Variants in ARHGAP26 observed in about 807,000 individuals in gnomAD.
The protein encoded by ARHGAP26 is rho GTPase-activating protein 26.
In ARHGAP26, 38 loss-of-function variants were observed where a neutral mutation model predicts 104.8. That is an observed-to-expected ratio of 0.36 (90% CI 0.28 to 0.48). The LOEUF (loss-of-function observed/expected upper bound fraction) is 0.48, where lower values mean the gene tolerates loss of function less well. Among genes scored for constraint, ARHGAP26 ranks in the 20% least tolerant of loss-of-function variants. ARHGAP26 has a pLI of 0.99. For missense variants in ARHGAP26, 704 were observed against 947.9 expected (o/e 0.74, Z 3.38); for synonymous variants, 341 against 340.0 (o/e 1.00, Z -0.03).
chr5:142,924,114 G>A (rs1301265793), intron 10 of ARHGAP26, among the ~76,000 whole-genome samples: 1 of 151,920 alleles, frequency 6.6e-6, no homozygotes, highest in Non-Finnish European at 1.5e-5. Context: ...CACCCGCCTC[G>A]GCATCCCAAA....
chr5:142,994,406 A>G (rs1004275066), intron 11 of ARHGAP26, among the ~76,000 whole-genome samples: 1 of 152,242 alleles, frequency 6.6e-6, no homozygotes, highest in East Asian at 1.9e-4. Flanking sequence ...CCAGCTTATC[A>G]GAGGCCTCAT....
intron 11 of ARHGAP26, among the ~76,000 whole-genome samples, chr5:142,942,823 C>T (rs182924280): frequency 6.6e-6 from 1 of 152,286 alleles, no homozygotes; most frequent in East Asian, 1.9e-4. Flanking sequence ...CTCTGTTGCC[C>T]ATGCTGGAGT....
intron 20 of ARHGAP26, among the ~76,000 whole-genome samples, chr5:143,195,551 C>T (rs186759081): frequency 4.9e-4 from 75 of 152,276 alleles, no homozygotes; most frequent in African/African-American, 1.8e-3. Flanking sequence ...GAGACATCCT[C>T]CTTGACGTCC....
chr5:142,820,671 TAC>T (rs1217268078), intron 1 of ARHGAP26, among the ~76,000 whole-genome samples: 1 of 152,186 alleles, frequency 6.6e-6, no homozygotes, highest in Non-Finnish European at 1.5e-5. Context: ...GAGCAGCAGT[TAC>T]ACTCTTCCAT....
At chr5:142,824,013 A>C (rs2152086559) in intron 1 of ARHGAP26, among the ~76,000 whole-genome samples, 1 of 152,324 alleles carries the variant, frequency 6.6e-6, no homozygotes, top group African/African-American at 2.4e-5. Flanking sequence ...GGACGACTTC[A>C]CTTATTTTTG....
intron 21 of ARHGAP26, among the ~76,000 whole-genome samples, chr5:143,213,259 T>C (rs1324094389): frequency 1.3e-5 from 2 of 152,172 alleles, no homozygotes; most frequent in African/African-American, 2.4e-5. Context: ...GTGAGAGTGA[T>C]TGTAAACATT....
At chr5:142,968,886 C>T (rs547850615) in intron 11 of ARHGAP26, among the ~76,000 whole-genome samples, 2 of 152,158 alleles carry the variant, frequency 1.3e-5, no homozygotes, top group Non-Finnish European at 2.9e-5. Flanking sequence ...GTGTTGATTC[C>T]ATTATCTTAT....
At chr5:142,849,844 A>C (rs1429764568) in intron 1 of ARHGAP26, among the ~76,000 whole-genome samples, 3 of 152,094 alleles carry the variant, frequency 2.0e-5, no homozygotes, top group Non-Finnish European at 4.4e-5. Context: ...TTCTGTTAAA[A>C]ATGCTGTTGC....
chr5:142,795,401 G>A (rs1269067855), intron 1 of ARHGAP26, among the ~76,000 whole-genome samples: 1 of 152,162 alleles, frequency 6.6e-6, no homozygotes, highest in African/African-American at 2.4e-5. Flanking sequence ...AGCTCTAATG[G>A]TCTTTGTAAT....
intron 19 of ARHGAP26, among the ~76,000 whole-genome samples, chr5:143,141,183 A>G (rs113665226): frequency 0.013 from 1,982 of 152,342 alleles, 42 homozygotes; most frequent in African/African-American, 0.045. Context: ...AACCACGTTG[A>G]TAATGTGGCT....
chr5:143,011,996 A>G (rs1778821361), intron 11 of ARHGAP26, among the ~76,000 whole-genome samples: 1 of 152,176 alleles, frequency 6.6e-6, no homozygotes, highest in South Asian at 2.1e-4. Context: ...AAAACCTATC[A>G]TCGCCCACAT....
intron 9 of ARHGAP26, among the ~76,000 whole-genome samples, chr5:142,909,215 G>A (rs772620973): frequency 6.6e-6 from 1 of 152,020 alleles, no homozygotes; most frequent in African/African-American, 2.4e-5. Context: ...TGAGTCTCTG[G>A]ACTGTATTCT....
At position 143,147,706 on chromosome 5, in the gene ARHGAP26, G is replaced by T. The variant is rs111579376; in HGVS notation, c.1988+325G>T. ...TCTGTAAGTTTTACAAACGTCCAGG[G>T]ACTGTAGCAGCTCTGTGGCCGAGTT... On this transcript the variant is annotated intron_variant, in intron 20 of 22. Coordinates refer to ENST00000645722, the MANE Select transcript of ARHGAP26 (RefSeq NM_001135608.3). 8.8e-3 allele frequency among the ~76,000 whole-genome samples: 1,339 copies of T among 152,190 alleles called. 16 individuals carry two copies. Among genetic ancestry groups the T allele is most frequent in the African/African-American group, 0.031 (1,274 of 41,516 alleles).
At chr5:143,049,384 A>G (rs989989279) in intron 14 of ARHGAP26, among the ~76,000 whole-genome samples, 4 of 152,092 alleles carry the variant, frequency 2.6e-5, no homozygotes, top group African/African-American at 9.7e-5. Context: ...GGATTTTCCA[A>G]TGTCTTTATT....
At chr5:142,972,446 T>A (rs1223846820) in intron 11 of ARHGAP26, among the ~76,000 whole-genome samples, 1 of 152,046 alleles carries the variant, frequency 6.6e-6, no homozygotes, top group Non-Finnish European at 1.5e-5. Context: ...CTGTTACCTC[T>A]TTGAGGGGCC....
intron 18 of ARHGAP26, among the ~76,000 whole-genome samples, chr5:143,125,116 A>G (rs1228517173): frequency 6.6e-6 from 1 of 152,220 alleles, no homozygotes; most frequent in African/African-American, 2.4e-5. Context: ...TTAAAGAAAA[A>G]GGAAAGAGAA....
At chr5:143,216,422 G>A (rs901026940) in intron 22 of ARHGAP26, 8 of 410,270 alleles carry the variant, frequency 1.9e-5, no homozygotes, top group South Asian at 5.3e-5. Flanking sequence ...GCCCTCCAGG[G>A]CCCAGTTCCT....
chr5:142,816,089 T>C (rs908551963), intron 1 of ARHGAP26, among the ~76,000 whole-genome samples: 8 of 152,120 alleles, frequency 5.3e-5, no homozygotes, highest in African/African-American at 1.7e-4. Context: ...TGAACCATGG[T>C]GTCCAGCCCC....
At chr5:142,980,306 G>A (rs1018450634) in intron 11 of ARHGAP26, among the ~76,000 whole-genome samples, 1 of 151,962 alleles carries the variant, frequency 6.6e-6, no homozygotes, top group Non-Finnish European at 1.5e-5. Context: ...ATTGAACAAT[G>A]GATTGTTTGT....
Sources: allele counts gnomAD v4.1 joint callset (sites outside exome capture counted in the v4.1 genomes callset), GRCh38; gene constraint gnomAD v4.1.1; transcripts MANE v1.5; gene names NCBI Gene and HGNC (gene_info 2026-07-23, HGNC 2026-07-21).